PGM5: variants seen among roughly 807,000 people sequenced by gnomAD.
PGM5 encodes phosphoglucomutase-like protein 5.
Under a neutral mutation model 59.2 loss-of-function variants are expected in PGM5, and 23 were observed. The observed-to-expected ratio is 0.39, with a 90% CI of 0.28 to 0.55. PGM5 has a LOEUF of 0.55. Ranked by LOEUF, PGM5 falls within the 20% of genes least tolerant of loss-of-function variation. The probability of loss-of-function intolerance (pLI) is 0.66; values close to 1 mark genes in which losing one functional copy is unlikely to be tolerated. For synonymous variants in PGM5, 214 were observed against 286.0 expected (o/e 0.75, Z 2.54); for missense variants, 574 against 748.3 (o/e 0.77, Z 2.72).
intron 6 of PGM5, among the ~76,000 whole-genome samples, chr9:68,400,912 C>A (rs1308283400): frequency 6.6e-6 from 1 of 152,160 alleles, no homozygotes; most frequent in Non-Finnish European, 1.5e-5. Flanking sequence ...CTTGCCCTGG[C>A]AAATTGAATG....
intron 10 of PGM5, among the ~76,000 whole-genome samples, chr9:68,523,284 TG>T (rs1016577234): frequency 1.3e-4 from 20 of 152,154 alleles, no homozygotes; most frequent in Non-Finnish European, 5.9e-5. Flanking sequence ...CTTAGAGCAG[TG>T]GTCCTCAGAG....
chr9:68,518,152 C>T (rs2132117299), intron 10 of PGM5, among the ~76,000 whole-genome samples: 1 of 152,314 alleles, frequency 6.6e-6, no homozygotes, highest in East Asian at 1.9e-4. Context: ...ACATCAAAGG[C>T]AGAGATCCTG....
chr9:68,507,585 TA>T lies in PGM5; in HGVS notation c.1614+8226del, dbSNP rs1244493681. 1.7e-3 allele frequency among the ~76,000 whole-genome samples: 142 copies of T among 84,434 alleles called. 1 individual carries two copies. The highest frequency in any genetic ancestry group is 4.1e-3 in the African/African-American group (114 of 27,862). 55.4% of individuals were successfully genotyped at this position (84,434 alleles called of 152,430 possible). On this transcript the variant is annotated intron_variant, in intron 10 of 10. Transcript: ENST00000396396. ...CCTTAAAATTTTAGTTCTGTAATTA[TA>T]ATTTTTTTTTTTTTTTTAAGAAACA...
intron 10 of PGM5, among the ~76,000 whole-genome samples, chr9:68,506,752 C>T (rs1470147135): frequency 6.6e-6 from 1 of 152,080 alleles, no homozygotes; most frequent in Non-Finnish European, 1.5e-5. Flanking sequence ...TGCAAATCCA[C>T]ATTCACTTAG....
intron 1 of PGM5, among the ~76,000 whole-genome samples, chr9:68,358,693 C>A (rs1330630447): frequency 6.6e-6 from 1 of 151,722 alleles, no homozygotes; most frequent in Non-Finnish European, 1.5e-5. Flanking sequence ...GATCTCCATG[C>A]TTCATATTTA....
At chr9:68,377,398 A>G (rs1383325041) in intron 1 of PGM5, among the ~76,000 whole-genome samples, 1 of 152,190 alleles carries the variant, frequency 6.6e-6, no homozygotes. Context: ...AGTCTAGAAT[A>G]CAGTTTGAGT....
At position 68,458,022 on chromosome 9, in the gene PGM5, AT is replaced by A. The variant is rs1823805154; in HGVS notation, c.1044-7067del. ...CCCAGCCCTAGACCCTCGGCAATGT[AT>A]TTTCTTTGAAAATAACCAGAGCCAG... is the stretch of plus-strand genomic sequence containing the variant. On this transcript the variant is annotated intron_variant, in intron 6 of 10. Coordinates refer to ENST00000396396, the MANE Select transcript of PGM5 (RefSeq NM_021965.4). Among the ~76,000 whole-genome samples, 3 of 152,262 alleles carry A rather than the reference AT, an allele frequency of 2.0e-5. No individual in the cohort carries two copies. In the South Asian group the frequency reaches 6.2e-4, roughly 32 times the overall value.
chr9:68,410,616 G>T lies in PGM5; in HGVS notation c.1043+18143G>T, dbSNP rs1209424221. On this transcript the variant is annotated intron_variant, in intron 6 of 10. Transcript: ENST00000396396. ...TATCTACCAGAGAAAATACTCCAGG[G>T]TGTAGGATATGACAATTTACAACCC... is the stretch of plus-strand genomic sequence containing the variant. 7.9e-5 allele frequency among the ~76,000 whole-genome samples: 12 copies of T among 151,996 alleles called. No homozygotes were observed. In the East Asian group the frequency reaches 9.6e-4, roughly 12 times the overall value.
At chr9:68,479,906 G>A (rs1554686999) in intron 8 of PGM5, among the ~76,000 whole-genome samples, 1 of 146,498 alleles carries the variant, frequency 6.8e-6, no homozygotes, top group African/African-American at 2.6e-5. Context: ...CTGGGCGACA[G>A]AGCGAGACTC....
intron 6 of PGM5, among the ~76,000 whole-genome samples, chr9:68,417,390 TAGG>T (rs371055661): frequency 3.9e-4 from 59 of 151,962 alleles, no homozygotes; most frequent in African/African-American, 1.4e-3. Flanking sequence ...CTGTCAAATC[TAGG>T]AGATCTTGAG....
intron 1 of PGM5, among the ~76,000 whole-genome samples, chr9:68,364,138 T>C (rs2131974898): frequency 6.6e-6 from 1 of 152,256 alleles, no homozygotes; most frequent in African/African-American, 2.4e-5. Context: ...CAGTGCACCT[T>C]GCAGAATTCA....
At chr9:68,375,636 C>A (rs1821859455) in intron 1 of PGM5, among the ~76,000 whole-genome samples, 1 of 152,042 alleles carries the variant, frequency 6.6e-6, no homozygotes. Context: ...ATTTTAAGTT[C>A]TTGGGATATA....
intron 5 of PGM5, among the ~76,000 whole-genome samples, chr9:68,392,091 T>C (rs1345080754): frequency 6.6e-6 from 1 of 152,158 alleles, no homozygotes; most frequent in African/African-American, 2.4e-5. Context: ...TGGGGACTTC[T>C]AAAGCTTGAG....
intron 6 of PGM5, among the ~76,000 whole-genome samples, chr9:68,418,537 G>A (rs1554682139): frequency 6.6e-6 from 1 of 152,064 alleles, no homozygotes; most frequent in East Asian, 1.9e-4. Flanking sequence ...AAGGCGACAG[G>A]AGAAAGGATG....
At chr9:68,480,919 A>G (rs1201089529) in intron 8 of PGM5, among the ~76,000 whole-genome samples, 2 of 152,292 alleles carry the variant, frequency 1.3e-5, no homozygotes, top group East Asian at 3.9e-4. Flanking sequence ...AGATATGTGT[A>G]CATAACAAGA....
intron 6 of PGM5, among the ~76,000 whole-genome samples, chr9:68,445,289 C>G (rs1823593887): frequency 6.6e-6 from 1 of 152,128 alleles, no homozygotes; most frequent in African/African-American, 2.4e-5. Flanking sequence ...GAACAGAACC[C>G]AAGAGTCTGC....
chr9:68,484,910 T>C (rs1457319752), intron 9 of PGM5, among the ~76,000 whole-genome samples: 1 of 152,156 alleles, frequency 6.6e-6, no homozygotes, highest in Non-Finnish European at 1.5e-5. Context: ...CCCACTTCCA[T>C]TTTACAAACT....
chr9:68,388,840 AC>A, intron 4 of PGM5, among the ~76,000 whole-genome samples: 1 of 152,106 alleles, frequency 6.6e-6, no homozygotes, highest in East Asian at 1.9e-4. Context: ...AGCTTTTAGG[AC>A]CTTTGACTTA....
intron 10 of PGM5, among the ~76,000 whole-genome samples, chr9:68,513,131 A>G (rs754151900): frequency 2.0e-5 from 3 of 152,228 alleles, no homozygotes; most frequent in Non-Finnish European, 4.4e-5. Flanking sequence ...GTTTGGGTAA[A>G]CCATACACAC....
Sources: allele counts gnomAD v4.1 joint callset (sites outside exome capture counted in the v4.1 genomes callset), GRCh38; gene constraint gnomAD v4.1.1; transcripts MANE v1.5; gene names NCBI Gene and HGNC (gene_info 2026-07-23, HGNC 2026-07-21).